The following TRIM61 variants were observed in gnomAD, a reference collection of about 807,000 sequenced individuals.
TRIM61 encodes putative tripartite motif-containing protein 61.
TRIM61 carries 1 observed loss-of-function variant against 14.2 expected under a neutral mutation model. That is an observed-to-expected ratio of 0.07 (90% CI 0.03 to 0.33). TRIM61 has a LOEUF of 0.33. Among genes scored for constraint, TRIM61 ranks in the 10% least tolerant of loss-of-function variants. TRIM61 has a pLI of 0.99. For synonymous variants in TRIM61, 8 were observed against 71.6 expected (o/e 0.11, Z 4.49); for missense variants, 19 against 202.2 (o/e 0.09, Z 5.49).
intron 2 of TRIM61, among the ~76,000 whole-genome samples, chr4:164,976,264 G>A (rs898332181): frequency 6.6e-6 from 1 of 152,062 alleles, no homozygotes; most frequent in Non-Finnish European, 1.5e-5. Flanking sequence ...GCTGAGCGCC[G>A]GTCCCCTGGG....
chr4:164,959,680 A>T (rs1732091864), intron 3 of TRIM61, among the ~76,000 whole-genome samples: 1 of 152,232 alleles, frequency 6.6e-6, no homozygotes. Flanking sequence ...GGAGTTGAGT[A>T]AAAATAACAG....
Position 164,966,048 on chromosome 4 carries a change from T to A in TRIM61, c.525+3430A>T, listed in dbSNP as rs552559782. Among the ~76,000 whole-genome samples, 4 of 152,342 alleles carry A rather than the reference T, an allele frequency of 2.6e-5. No individual in the cohort carries two copies. The South Asian group carries it at 8.3e-4, about 32-fold the overall frequency. On this transcript the variant is annotated intron_variant, in intron 3 of 4. Transcript: ENST00000329314. ...AATATCCCCAAGATACCTGAGCCAC[T>A]GGCTTAGTGAACAAATGTGCCTGTG...
chr4:164,967,461 T>C (rs1732268125), intron 3 of TRIM61, among the ~76,000 whole-genome samples: 1 of 152,198 alleles, frequency 6.6e-6, no homozygotes, highest in Non-Finnish European at 1.5e-5. Flanking sequence ...AGATGGATTC[T>C]GAGACTAGAG....
chr4:164,958,915 T>G (rs182806371), intron 3 of TRIM61: 212 of 167,210 alleles, frequency 1.3e-3, no homozygotes, highest in African/African-American at 4.9e-3. Flanking sequence ...TAACATTCTA[T>G]TAGATAAACT....
chr4:164,959,188 A>C (rs1191416644), intron 3 of TRIM61: 1 of 166,576 alleles, frequency 6.0e-6, no homozygotes, highest in African/African-American at 2.4e-5. Flanking sequence ...TCCTTTCTAA[A>C]CTCGACATGT....
At chr4:164,970,714 C>T (rs972923681) in intron 2 of TRIM61, among the ~76,000 whole-genome samples, 4 of 152,016 alleles carry the variant, frequency 2.6e-5, no homozygotes, top group African/African-American at 9.7e-5. Context: ...AAGGTTTCTA[C>T]ATTTAAGGAG....
chr4:164,965,446 C>CTT (rs70952674), intron 3 of TRIM61, among the ~76,000 whole-genome samples: 14,423 of 126,026 alleles, frequency 0.11, 1,157 homozygotes, highest in Middle Eastern at 0.18. Flanking sequence ...TCTGCCTATG[C>CTT]TTTTTTTTTT....
At chr4:164,973,121 G>A (rs1002652933) in intron 2 of TRIM61, among the ~76,000 whole-genome samples, 3 of 152,110 alleles carry the variant, frequency 2.0e-5, no homozygotes, top group Non-Finnish European at 4.4e-5. Flanking sequence ...CAAGACACAT[G>A]TTCTCAAGGA....
At chr4:164,955,586 A>G (rs1445899361) in intron 3 of TRIM61, among the ~76,000 whole-genome samples, 4 of 151,910 alleles carry the variant, frequency 2.6e-5, no homozygotes, top group Non-Finnish European at 5.9e-5. Flanking sequence ...AAAAAAAAAA[A>G]AAAACAAGTT....
intron 3 of TRIM61, among the ~76,000 whole-genome samples, chr4:164,966,711 C>G (rs1732250637): frequency 6.6e-6 from 1 of 151,964 alleles, no homozygotes; most frequent in Non-Finnish European, 1.5e-5. Flanking sequence ...TCAGGAGATC[C>G]AGACCAGCCT....
chr4:164,967,471 G>A (rs1289089747), intron 3 of TRIM61, among the ~76,000 whole-genome samples: 1 of 152,164 alleles, frequency 6.6e-6, no homozygotes, highest in Non-Finnish European at 1.5e-5. Flanking sequence ...TGAGACTAGA[G>A]ATCAGTTCCC....
In TRIM61 at chr4:164,969,477, C is replaced by T. The variant is rs1272866172; in HGVS notation, c.525+1G>A. ...TTGACTTCTTCTGCCCTATGTTTTA[C>T]CTTTTTCTTCAGTTCCAGTGATTTC... On this transcript the variant is annotated splice_donor_variant, in intron 3 of 4. Transcript: ENST00000329314. LOFTEE classifies it high-confidence loss of function. 1 of 1,528,728 alleles carries T rather than the reference C, an allele frequency of 6.5e-7. No individual in the cohort carries two copies. Among genetic ancestry groups the T allele is most frequent in the East Asian group, 2.2e-5 (1 of 44,574 alleles). The allele number at this position is 1,528,728 out of a possible 1,614,324, so 94.7% of individuals were successfully genotyped here.
At chr4:164,972,012 A>C (rs1560887662) in intron 2 of TRIM61, among the ~76,000 whole-genome samples, 2 of 152,218 alleles carry the variant, frequency 1.3e-5, no homozygotes, top group East Asian at 3.8e-4. Flanking sequence ...TCTTTAGACT[A>C]GCAGAATAGG....
chr4:164,970,795 A>G (rs1384196903), intron 2 of TRIM61, among the ~76,000 whole-genome samples: 1 of 152,176 alleles, frequency 6.6e-6, no homozygotes, highest in Non-Finnish European at 1.5e-5. Flanking sequence ...AAAACAAAAC[A>G]AAACAAAAAA....
At chr4:164,958,323 G>T (rs919524348) in intron 3 of TRIM61, 1 of 167,018 alleles carries the variant, frequency 6.0e-6, no homozygotes, top group Non-Finnish European at 1.5e-5. Context: ...ATTTGTTCTG[G>T]ACAATGAAGG....
At chr4:164,968,831 C>T (rs1364042122) in intron 3 of TRIM61, 62 of 983,900 alleles carry the variant, frequency 6.3e-5, no homozygotes, top group Middle Eastern at 5.2e-4. Context: ...CTGACTAGAT[C>T]GCCAAATTCC....
chr4:164,976,360 T>C (rs1732484129), intron 2 of TRIM61, among the ~76,000 whole-genome samples: 2 of 152,154 alleles, frequency 1.3e-5, no homozygotes, highest in African/African-American at 4.8e-5. Flanking sequence ...CCCACAGGTG[T>C]GGAGGGGCAG....
chr4:164,975,542 T>C (rs1000251678), intron 2 of TRIM61, among the ~76,000 whole-genome samples: 1 of 152,140 alleles, frequency 6.6e-6, no homozygotes, highest in African/African-American at 2.4e-5. Flanking sequence ...CACAAAAACA[T>C]GTGTTGTATA....
intron 3 of TRIM61, among the ~76,000 whole-genome samples, chr4:164,966,060 C>T (rs1732232714): frequency 6.6e-6 from 1 of 152,184 alleles, no homozygotes; most frequent in Non-Finnish European, 1.5e-5. Flanking sequence ...GCTTAGTGAA[C>T]AAATGTGCCT....
Sources: allele counts gnomAD v4.1 joint callset (sites outside exome capture counted in the v4.1 genomes callset), GRCh38; gene constraint gnomAD v4.1.1; transcripts MANE v1.5; gene names NCBI Gene and HGNC (gene_info 2026-07-23, HGNC 2026-07-21).